The following SCN2A variants were observed in gnomAD, a reference collection of about 807,000 sequenced individuals.
The protein encoded by SCN2A is sodium channel protein type 2 subunit alpha.
Under a neutral mutation model 188.7 loss-of-function variants are expected in SCN2A, and 20 were observed. That is an observed-to-expected ratio of 0.11 (90% CI 0.07 to 0.15). SCN2A has a LOEUF of 0.15. SCN2A is among the 10% of genes least tolerant of loss of function. The pLI, the probability that SCN2A is intolerant of heterozygous loss-of-function variation, is 1.00. For synonymous variants in SCN2A, 804 were observed against 833.1 expected, an observed-to-expected ratio of 0.97 and a Z score of 0.60; for missense variants, 1,278 against 2,445.0, an observed-to-expected ratio of 0.52 and a Z score of 10.07.
At chr2:165,254,484 G>A (rs1208884624) in intron 1 of SCN2A, among the ~76,000 whole-genome samples, 1 of 151,420 alleles carries the variant, frequency 6.6e-6, no homozygotes, top group African/African-American at 2.4e-5. Context: ...TCTATCCTTT[G>A]AATGTGTTTA....
rs186157680 is a variant in SCN2A, at chr2:165,388,828, C to T, written c.5022C>T (p.Tyr1674=). Residue 1674 remains tyrosine, a synonymous_variant, in exon 27 of 27, where the codon TAC becomes TAT. Coordinates refer to ENST00000375437, the MANE Select transcript of SCN2A (RefSeq NM_001040142.2). ...GLLLFLVMFI[Y]AIFGMSNFAY... is the part of the protein sequence containing the mutation. ...TTCTTTTCCTGGTCATGTTCATCTACGCCATCTTTGGGATGTCCAATTTTG... is the reference window on the plus strand; with the variant it reads ...TTCTTTTCCTGGTCATGTTCATCTATGCCATCTTTGGGATGTCCAATTTTG... 1.9e-5 allele frequency: 30 copies of T among 1,614,062 alleles called. No individual in the cohort carries two copies. The highest frequency in any genetic ancestry group is 6.7e-5 in the Admixed American group (4 of 59,992).
intron 21 of SCN2A, 62 bp from the exon 22 acceptor site, chr2:165,374,623 T>G: frequency 6.4e-7 from 1 of 1,555,812 alleles, no homozygotes; most frequent in Non-Finnish European, 8.8e-7. Flanking sequence ...TAATAATGTT[T>G]AAAAATAAGT....
intron 13 of SCN2A, chr2:165,327,869 G>A (rs1698445165): frequency 6.6e-6 from 1 of 152,034 alleles, no homozygotes; most frequent in Admixed American, 6.6e-5. Flanking sequence ...TCAACTACTT[G>A]GAAAATATTT....
chr2:165,354,696 A>G, intron 17 of SCN2A, 25 bp downstream of exon 17: 1 of 1,609,366 alleles, frequency 6.2e-7, no homozygotes, highest in Non-Finnish European at 8.5e-7. Context: ...ATAAGGAGAT[A>G]TTTTGGTGTT....
At chr2:165,248,143 T>C (rs1268715102) in intron 1 of SCN2A, among the ~76,000 whole-genome samples, 2 of 152,158 alleles carry the variant, frequency 1.3e-5, no homozygotes, top group Admixed American at 6.6e-5. Flanking sequence ...AATTTCCTAA[T>C]TGGACTTTAT....
chr2:165,372,445 G>A lies in SCN2A; in HGVS notation c.3850-780G>A, dbSNP rs113007628. ...ATTTATCTGCTTTTGAAATTCAGGT[G>A]TACTTTAGAACAAAATAGCTTATAT... On this transcript the variant is annotated intron_variant, in intron 20 of 26. Coordinates refer to ENST00000375437, the MANE Select transcript of SCN2A (RefSeq NM_001040142.2). 1.4e-3 allele frequency: 206 copies of A among 152,022 alleles called. 1 individual carries two copies. Among genetic ancestry groups the A allele is most frequent in the African/African-American group, 4.8e-3 (200 of 41,528 alleles). The allele number at this position is 152,022 out of a possible 1,614,324, so 9.4% of individuals were successfully genotyped here. A position where few individuals can be genotyped will look rare whatever the true frequency, so the allele number is the denominator to read the frequency against.
intron 3 of SCN2A, among the ~76,000 whole-genome samples, chr2:165,305,655 G>A (rs1369729046): frequency 6.6e-6 from 1 of 152,206 alleles, no homozygotes; most frequent in East Asian, 1.9e-4. Flanking sequence ...CTTGTTGAAT[G>A]CTGCTTAGAA....
chr2:165,316,268 G>C (rs530063907), intron 11 of SCN2A, among the ~76,000 whole-genome samples: 1 of 152,156 alleles, frequency 6.6e-6, no homozygotes, highest in East Asian at 1.9e-4. Flanking sequence ...CTCTCAGATA[G>C]GCAGGTACTG....
intron 20 of SCN2A, chr2:165,371,883 T>A (rs1701050024): frequency 1.3e-5 from 2 of 152,186 alleles, no homozygotes; most frequent in African/African-American, 4.8e-5. Context: ...ATTAGGAGAT[T>A]GCTGCAATGT....
chr2:165,277,539 A>G (rs1695399865), intron 1 of SCN2A, among the ~76,000 whole-genome samples: 1 of 152,210 alleles, frequency 6.6e-6, no homozygotes. Context: ...GTATTACTAC[A>G]TGAGTTGGCA....
At chr2:165,299,141 A>T (rs940091435) in intron 3 of SCN2A, among the ~76,000 whole-genome samples, 2 of 152,136 alleles carry the variant, frequency 1.3e-5, no homozygotes, top group Non-Finnish European at 2.9e-5. Flanking sequence ...ATGAATCCCC[A>T]TTTAAAACTC....
chr2:165,335,476 A>G (rs1698939922), intron 14 of SCN2A, among the ~76,000 whole-genome samples: 1 of 151,876 alleles, frequency 6.6e-6, no homozygotes, highest in South Asian at 2.1e-4. Context: ...TTAATTTTCA[A>G]CAAGACCACT....
rs756042218 is a variant in SCN2A, at chr2:165,310,342, G to A, written c.717G>A (p.Gly239=). 4 of 1,613,538 alleles carry A rather than the reference G, an allele frequency of 2.5e-6. No homozygotes were observed. The highest frequency in any genetic ancestry group is 3.4e-6 in the Non-Finnish European group (4 of 1,179,594). The change falls in exon 7 of 27, where the codon GGG becomes GGA. Residue 239 remains glycine (G), a synonymous_variant. Transcript: ENST00000375437. ...SVIPGLKTIV[G]ALIQSVKKLS... is the part of the protein sequence containing the mutation. ...TTGTAGGCCTGAAGACCATTGTGGG[G>A]GCCCTGATCCAGTCAGTGAAGAAGC...
chr2:165,343,048 C>G (rs555119484), intron 15 of SCN2A, among the ~76,000 whole-genome samples: 1 of 152,232 alleles, frequency 6.6e-6, no homozygotes, highest in East Asian at 1.9e-4. Context: ...TTTCTTTGAT[C>G]TTTTATAAAA....
intron 1 of SCN2A, among the ~76,000 whole-genome samples, chr2:165,253,709 CAATG>C (rs916484858): frequency 1.5e-4 from 23 of 152,114 alleles, no homozygotes; most frequent in Admixed American, 1.4e-3. Flanking sequence ...CATTACACTA[CAATG>C]ATCAAGTATA....
intron 7 of SCN2A, among the ~76,000 whole-genome samples, chr2:165,311,579 C>A (rs1012452447): frequency 6.6e-6 from 1 of 151,798 alleles, no homozygotes; most frequent in Non-Finnish European, 1.5e-5. Flanking sequence ...TTAAAATTGG[C>A]GGGAAAAAAT....
intron 26 of SCN2A, among the ~76,000 whole-genome samples, chr2:165,387,783 C>A (rs973071177): frequency 1.3e-5 from 2 of 152,112 alleles, no homozygotes; most frequent in African/African-American, 4.8e-5. Flanking sequence ...ATATAGCACT[C>A]TTTAAACTAC....
chr2:165,367,115 C>A, intron 18 of SCN2A, 102 bp from the exon 19 acceptor site: 1 of 1,108,090 alleles, frequency 9.0e-7, no homozygotes. Flanking sequence ...ATGTTATTTA[C>A]AATGTATTAT....
chr2:165,333,160 G>A (rs1448384639), intron 14 of SCN2A, among the ~76,000 whole-genome samples: 1 of 151,950 alleles, frequency 6.6e-6, no homozygotes, highest in Non-Finnish European at 1.5e-5. Context: ...CTTATCACTG[G>A]AGGCAGAGTA....
Sources: gnomAD v4.1 joint callset for allele counts (sites outside exome capture counted in the v4.1 genomes callset) on GRCh38, gnomAD v4.1.1 for gene constraint, MANE v1.5 for transcripts, NCBI Gene and HGNC (gene_info 2026-07-23, HGNC 2026-07-21) for gene names.